The following NALF1 variants were observed in gnomAD, a reference collection of about 807,000 sequenced individuals.
NALF1 encodes the protein NALCN channel auxiliary factor 1.
Under a neutral mutation model 48.4 loss-of-function variants are expected in NALF1, and 3 were observed. The observed-to-expected ratio is 0.06, with a 90% confidence interval of 0.03 to 0.16. The LOEUF is 0.16. NALF1 is among the 10% of genes least tolerant of loss of function. The pLI is 1.00. For synonymous variants in NALF1, 262 were observed against 245.7 expected (o/e 1.07, Z -0.62); for missense variants, 526 against 571.5 (o/e 0.92, Z 0.81).
chr13:107,207,196 C>G (rs559888322), intron 2 of NALF1, among the ~76,000 whole-genome samples: 1 of 152,054 alleles, frequency 6.6e-6, no homozygotes, highest in African/African-American at 2.4e-5. Flanking sequence ...ATACCATCTC[C>G]CTTCCCATTT....
At chr13:107,825,409 T>C (rs530634286) in intron 1 of NALF1, among the ~76,000 whole-genome samples, 3 of 152,224 alleles carry the variant, frequency 2.0e-5, no homozygotes, top group South Asian at 4.1e-4. Context: ...AGAAAAAAAG[T>C]TGATGCTCAT....
At chr13:107,801,966 A>C (rs1248789355) in intron 1 of NALF1, among the ~76,000 whole-genome samples, 2 of 152,048 alleles carry the variant, frequency 1.3e-5, no homozygotes, top group African/African-American at 4.8e-5. Context: ...TTAAGGAACC[A>C]TGTTTTTTGC....
chr13:107,782,107 G>A (rs1043802036), intron 1 of NALF1, among the ~76,000 whole-genome samples: 13 of 152,212 alleles, frequency 8.5e-5, no homozygotes, highest in Middle Eastern at 3.4e-3. Flanking sequence ...ATGCCGAGCC[G>A]AAGCTGGACT....
chr13:107,767,896 A>T (rs921318666), intron 1 of NALF1, among the ~76,000 whole-genome samples: 1 of 152,226 alleles, frequency 6.6e-6, no homozygotes, highest in Non-Finnish European at 1.5e-5. Context: ...AAGAGACACA[A>T]TTAAAGAGTG....
intron 2 of NALF1, among the ~76,000 whole-genome samples, chr13:107,175,224 C>T (rs1399048571): frequency 6.7e-6 from 1 of 148,732 alleles, no homozygotes; most frequent in Non-Finnish European, 1.5e-5. Flanking sequence ...AGAAAAAGTT[C>T]CCTCCAGGAA....
chr13:107,176,942 C>T (rs1235597496), intron 2 of NALF1, among the ~76,000 whole-genome samples: 3 of 151,466 alleles, frequency 2.0e-5, no homozygotes, highest in African/African-American at 7.3e-5. Context: ...TATCATCCAG[C>T]CCCAAATGTC....
At chr13:107,591,039 T>C (rs1213938279) in intron 1 of NALF1, among the ~76,000 whole-genome samples, 1 of 151,864 alleles carries the variant, frequency 6.6e-6, no homozygotes, top group Non-Finnish European at 1.5e-5. Flanking sequence ...AGAAATAACA[T>C]GTAAATGTAA....
chr13:107,440,982 T>C (rs1290472871), intron 1 of NALF1, among the ~76,000 whole-genome samples: 1 of 152,160 alleles, frequency 6.6e-6, no homozygotes, highest in Admixed American at 6.5e-5. Flanking sequence ...TAACCACAGG[T>C]AGATGCTACC....
chr13:107,353,259 T>C (rs922764995), intron 1 of NALF1, among the ~76,000 whole-genome samples: 8 of 152,206 alleles, frequency 5.3e-5, no homozygotes, highest in African/African-American at 1.9e-4. Context: ...TTTGTATCCC[T>C]TTTCTTCTAT....
intron 1 of NALF1, among the ~76,000 whole-genome samples, chr13:107,827,649 G>A (rs1879561171): frequency 6.6e-6 from 1 of 152,076 alleles, no homozygotes; most frequent in South Asian, 2.1e-4. Flanking sequence ...GTTCATTTTT[G>A]TTTGTTTTTA....
intron 1 of NALF1, among the ~76,000 whole-genome samples, chr13:107,842,261 A>C (rs1298528495): frequency 6.6e-6 from 1 of 152,050 alleles, no homozygotes; most frequent in Non-Finnish European, 1.5e-5. Flanking sequence ...TATGAAAATG[A>C]AGTATGCCTA....
intron 1 of NALF1, among the ~76,000 whole-genome samples, chr13:107,560,737 T>A (rs1267216573): frequency 6.6e-6 from 1 of 152,166 alleles, no homozygotes; most frequent in Non-Finnish European, 1.5e-5. Flanking sequence ...TCTACTGGTG[T>A]TCTGCCAAGG....
chr13:107,495,312 A>G lies in NALF1; in HGVS notation c.916-284557T>C, dbSNP rs2491586. Among the ~76,000 whole-genome samples, 1,454 of 152,314 alleles carry G rather than the reference A, an allele frequency of 9.5e-3. 29 individuals carry two copies. Among genetic ancestry groups the G allele is most frequent in the African/African-American group, 0.033 (1,379 of 41,574 alleles). On this transcript the variant is annotated intron_variant, in intron 1 of 2. Coordinates refer to ENST00000375915, the MANE Select transcript of NALF1 (RefSeq NM_001080396.3). ...CAACAAAAATGTGAAAAATGTTCTT[A>G]GCTCTTAGGTACTTTGATTTAGAAA...
chr13:107,524,246 T>C (rs1876352336), intron 1 of NALF1, among the ~76,000 whole-genome samples: 1 of 152,082 alleles, frequency 6.6e-6, no homozygotes, highest in Admixed American at 6.6e-5. Flanking sequence ...ATTTTTCAAA[T>C]GCAAAAAGTT....
chr13:107,427,991 G>C (rs1884308537), intron 1 of NALF1, among the ~76,000 whole-genome samples: 1 of 152,190 alleles, frequency 6.6e-6, no homozygotes, highest in East Asian at 1.9e-4. Context: ...AAGACATCTA[G>C]TTATTTAAAG....
rs569345261 is a variant in NALF1 at position 107,455,297 on chromosome 13, C to G, written c.916-244542G>C. ...TCTTTATAGCAGTGTAAAAACGGACCAACACAATAATCATAACTAATATCA... is the reference window on the plus strand; with the variant it reads ...TCTTTATAGCAGTGTAAAAACGGACGAACACAATAATCATAACTAATATCA... On this transcript the variant is annotated intron_variant, in intron 1 of 2. Coordinates refer to ENST00000375915, the MANE Select transcript of NALF1 (RefSeq NM_001080396.3). 2.6e-5 allele frequency among the ~76,000 whole-genome samples: 4 copies of G among 152,054 alleles called. No individual in the cohort carries two copies. The East Asian group carries it at 7.7e-4, about 29-fold the overall frequency.
At chr13:107,816,511 T>C (rs1187315703) in intron 1 of NALF1, among the ~76,000 whole-genome samples, 5 of 151,950 alleles carry the variant, frequency 3.3e-5, no homozygotes, top group African/African-American at 4.8e-5. Flanking sequence ...ACATGAACAG[T>C]AAGGGAGAAA....
chr13:107,499,318 C>T (rs976732526), intron 1 of NALF1, among the ~76,000 whole-genome samples: 1 of 152,032 alleles, frequency 6.6e-6, no homozygotes, highest in Non-Finnish European at 1.5e-5. Context: ...CCCTGTCTTC[C>T]GTTTAAAAGT....
chr13:107,282,721 C>A (rs930730148), intron 1 of NALF1, among the ~76,000 whole-genome samples: 1 of 152,220 alleles, frequency 6.6e-6, no homozygotes, highest in Non-Finnish European at 1.5e-5. Flanking sequence ...CCAGCACTAA[C>A]TTGCCAGTCA....
Sources: allele counts gnomAD v4.1 joint callset (sites outside exome capture counted in the v4.1 genomes callset), GRCh38; gene constraint gnomAD v4.1.1; transcripts MANE v1.5; gene names NCBI Gene and HGNC (gene_info 2026-07-23, HGNC 2026-07-21).